Variants in FHIP1A observed in about 807,000 individuals in gnomAD.
The protein encoded by FHIP1A is FHF complex subunit HOOK-interacting protein 1A.
In FHIP1A, 61 loss-of-function variants were observed where a neutral mutation model predicts 88.6. The observed-to-expected ratio is 0.69, with a 90% CI of 0.56 to 0.85. The LOEUF is 0.85. Ranked by LOEUF, FHIP1A falls within the 40% of genes least tolerant of loss-of-function variation. The pLI, the probability that FHIP1A is intolerant of heterozygous loss-of-function variation, is 0.00. For synonymous variants in FHIP1A, 478 were observed against 496.0 expected, an observed-to-expected ratio of 0.96 and a Z score of 0.48; for missense variants, 1,154 against 1,273.5, an observed-to-expected ratio of 0.91 and a Z score of 1.43.
chr4:151,593,121 T>C (rs527295278), intron 7 of FHIP1A, among the ~76,000 whole-genome samples: 1 of 152,358 alleles, frequency 6.6e-6, no homozygotes, highest in South Asian at 2.1e-4. Context: ...CGCTGGTCTA[T>C]ATATCTGTTT....
chr4:151,480,660 T>C (rs1729860473), intron 2 of FHIP1A, among the ~76,000 whole-genome samples: 1 of 152,060 alleles, frequency 6.6e-6, no homozygotes, highest in Non-Finnish European at 1.5e-5. Context: ...AAATGATTAA[T>C]TGATTAGACT....
At chr4:151,593,248 T>C (rs1252536418) in intron 7 of FHIP1A, among the ~76,000 whole-genome samples, 1 of 152,228 alleles carries the variant, frequency 6.6e-6, no homozygotes, top group East Asian at 1.9e-4. Context: ...CTAAACAAGC[T>C]CTTTTTTGGT....
At chr4:151,535,106 A>G (rs1732016762) in intron 3 of FHIP1A, among the ~76,000 whole-genome samples, 1 of 152,082 alleles carries the variant, frequency 6.6e-6, no homozygotes, top group Admixed American at 6.5e-5. Context: ...TACCAGCTAT[A>G]TGGAAGGCTG....
chr4:151,517,480 A>G (rs552569864), intron 3 of FHIP1A, among the ~76,000 whole-genome samples: 7 of 152,252 alleles, frequency 4.6e-5, no homozygotes, highest in African/African-American at 9.6e-5. Flanking sequence ...AAAAAAATAT[A>G]TATTCATTAA....
chr4:151,593,324 A>T lies in FHIP1A; in HGVS notation c.978+4398A>T, dbSNP rs1304277391. ...GAAAGTCAATGGTAGCTTGATGGGG[A>T]TAGCATTGAATCTATAAATTACTTT... On this transcript the variant is annotated intron_variant, in intron 7 of 13. Transcript: ENST00000435205. Among the ~76,000 whole-genome samples, 3 of 152,154 alleles carry T rather than the reference A, an allele frequency of 2.0e-5. No homozygotes were observed. In the East Asian group the frequency reaches 5.8e-4, roughly 29 times the overall value.
chr4:151,508,782 A>G (rs1210434458), intron 3 of FHIP1A, among the ~76,000 whole-genome samples: 1 of 152,140 alleles, frequency 6.6e-6, no homozygotes, highest in Non-Finnish European at 1.5e-5. Flanking sequence ...TCAGAGACAG[A>G]GCGGAGCAAA....
At chr4:151,557,649 T>C (rs192644400) in intron 3 of FHIP1A, among the ~76,000 whole-genome samples, 1 of 152,342 alleles carries the variant, frequency 6.6e-6, no homozygotes, top group Admixed American at 6.5e-5. Context: ...TAGAGACAGC[T>C]TCTCTGCTTG....
intron 3 of FHIP1A, among the ~76,000 whole-genome samples, chr4:151,563,388 G>GCTCTCT (rs947238880): frequency 6.6e-6 from 1 of 152,078 alleles, no homozygotes; most frequent in Admixed American, 6.6e-5. Flanking sequence ...GGTTTGTAGA[G>GCTCTCT]CTCTCTCTCA....
At chr4:151,423,093 G>A (rs894250228) in intron 1 of FHIP1A, among the ~76,000 whole-genome samples, 11 of 152,290 alleles carry the variant, frequency 7.2e-5, no homozygotes, top group Admixed American at 1.3e-4. Flanking sequence ...CCATTGACAG[G>A]TGTTCACAAA....
At chr4:151,523,025 T>C (rs1731502618) in intron 3 of FHIP1A, among the ~76,000 whole-genome samples, 1 of 152,202 alleles carries the variant, frequency 6.6e-6, no homozygotes, top group Non-Finnish European at 1.5e-5. Flanking sequence ...AGTATAGGCA[T>C]GTTAAATAAT....
chr4:151,426,099 A>T (rs1009848566), intron 1 of FHIP1A, among the ~76,000 whole-genome samples: 9 of 152,208 alleles, frequency 5.9e-5, no homozygotes, highest in Non-Finnish European at 1.3e-4. Context: ...CTTTTAAAAA[A>T]ACAAGCGGGG....
intron 7 of FHIP1A, among the ~76,000 whole-genome samples, chr4:151,593,965 C>T (rs564146445): frequency 7.2e-5 from 11 of 152,160 alleles, no homozygotes; most frequent in Admixed American, 3.9e-4. Context: ...GAGTTTTTAG[C>T]GTGAAGGGGT....
chr4:151,465,961 C>T (rs1729297474), intron 2 of FHIP1A, among the ~76,000 whole-genome samples: 1 of 152,104 alleles, frequency 6.6e-6, no homozygotes, highest in African/African-American at 2.4e-5. Context: ...AAAACTGGCA[C>T]ATGACAAGGA....
chr4:151,648,852 T>A (rs951577441), intron 10 of FHIP1A, among the ~76,000 whole-genome samples: 2 of 152,034 alleles, frequency 1.3e-5, no homozygotes, highest in Non-Finnish European at 2.9e-5. Context: ...GTTGGAACTT[T>A]TAACATCAGA....
At chr4:151,459,452 C>G (rs1228405213) in intron 2 of FHIP1A, among the ~76,000 whole-genome samples, 3 of 152,116 alleles carry the variant, frequency 2.0e-5, no homozygotes, top group Non-Finnish European at 4.4e-5. Context: ...TTAACTGTTT[C>G]ATGGTTTAAA....
chr4:151,564,210 A>G (rs944369731), intron 3 of FHIP1A, among the ~76,000 whole-genome samples: 3 of 152,210 alleles, frequency 2.0e-5, no homozygotes, highest in Admixed American at 6.5e-5. Context: ...TTTGAAGAAG[A>G]ATCTTTGAAT....
At chr4:151,553,686 T>C (rs913299353) in intron 3 of FHIP1A, among the ~76,000 whole-genome samples, 3 of 152,202 alleles carry the variant, frequency 2.0e-5, no homozygotes, top group African/African-American at 7.2e-5. Context: ...ATTGTGGTGG[T>C]AGCAATGACT....
At chr4:151,658,182 C>G (rs1737320987) in intron 13 of FHIP1A, among the ~76,000 whole-genome samples, 2 of 152,248 alleles carry the variant, frequency 1.3e-5, no homozygotes, top group Non-Finnish European at 2.9e-5. Flanking sequence ...AGTGTGTGAC[C>G]TGTGTTCCTC....
intron 1 of FHIP1A, among the ~76,000 whole-genome samples, chr4:151,434,238 C>G (rs2709829): frequency 6.6e-6 from 1 of 151,316 alleles, no homozygotes; most frequent in South Asian, 2.1e-4. Flanking sequence ...GGCTGTAAGT[C>G]CTAGTTTTCT....
Sources: gnomAD v4.1 joint callset for allele counts (sites outside exome capture counted in the v4.1 genomes callset) on GRCh38, gnomAD v4.1.1 for gene constraint, MANE v1.5 for transcripts, NCBI Gene and HGNC (gene_info 2026-07-23, HGNC 2026-07-21) for gene names.